SUGCT: variants seen among roughly 807,000 people sequenced by gnomAD.
SUGCT encodes succinyl-CoA:glutarate-CoA transferase, also known as succinyl-CoA:glutarate CoA-transferase.
Under a neutral mutation model 55.0 loss-of-function variants are expected in SUGCT, and 41 were observed. The observed-to-expected ratio is 0.74, with a 90% CI of 0.58 to 0.97. SUGCT has a LOEUF of 0.97. Ranked by LOEUF, SUGCT falls within the 50% of genes least tolerant of loss-of-function variation. SUGCT has a pLI of 0.00. For synonymous variants in SUGCT, 187 were observed against 200.4 expected (o/e 0.93, Z 0.56); for missense variants, 568 against 547.8 (o/e 1.04, Z -0.37).
chr7:40,783,172 C>T (rs1789844088), intron 13 of SUGCT, among the ~76,000 whole-genome samples: 2 of 152,114 alleles, frequency 1.3e-5, no homozygotes, highest in Admixed American at 6.5e-5. Flanking sequence ...TCTGGGTAGT[C>T]ACAACATCCA....
chr7:40,653,906 GAC>G (rs1800895369), intron 12 of SUGCT, among the ~76,000 whole-genome samples: 1 of 151,866 alleles, frequency 6.6e-6, no homozygotes, highest in Non-Finnish European at 1.5e-5. Flanking sequence ...ACTCCTGTGT[GAC>G]ACAGTAGCAA....
chr7:40,189,833 C>T (rs575240907), intron 5 of SUGCT, among the ~76,000 whole-genome samples: 32 of 152,260 alleles, frequency 2.1e-4, no homozygotes, highest in African/African-American at 7.2e-4. Context: ...AACTCTGCAG[C>T]AAATCCTGGG....
chr7:40,583,893 T>C (rs144163260), intron 12 of SUGCT, among the ~76,000 whole-genome samples: 209 of 152,326 alleles, frequency 1.4e-3, no homozygotes, highest in African/African-American at 4.8e-3. Context: ...CGATACATGC[T>C]GAAACACGAG....
At chr7:40,344,238 G>T (rs1324019062) in intron 9 of SUGCT, among the ~76,000 whole-genome samples, 22 of 152,116 alleles carry the variant, frequency 1.4e-4, no homozygotes, top group Non-Finnish European at 3.1e-4. Context: ...TTATTTATTA[G>T]TATGTTTATT....
intron 12 of SUGCT, among the ~76,000 whole-genome samples, chr7:40,662,734 G>A (rs975709155): frequency 2.6e-5 from 4 of 152,090 alleles, no homozygotes; most frequent in Non-Finnish European, 4.4e-5. Flanking sequence ...TTGCATCATA[G>A]CGCTCTATTT....
chr7:40,427,514 T>A (rs1488997816), intron 9 of SUGCT, among the ~76,000 whole-genome samples: 1 of 152,190 alleles, frequency 6.6e-6, no homozygotes, highest in Non-Finnish European at 1.5e-5. Flanking sequence ...TAAATAGTTG[T>A]CTTTATGTTC....
intron 9 of SUGCT, among the ~76,000 whole-genome samples, chr7:40,333,781 C>A (rs1457423249): frequency 8.0e-6 from 1 of 124,670 alleles, no homozygotes; most frequent in African/African-American, 3.1e-5. Flanking sequence ...AATTTAAGTT[C>A]TAGGGTACAT....
intron 13 of SUGCT, among the ~76,000 whole-genome samples, chr7:40,834,817 G>A (rs893661090): frequency 1.1e-4 from 17 of 152,170 alleles, no homozygotes; most frequent in African/African-American, 3.6e-4. Context: ...TGCCATGGCT[G>A]TTTAGACATC....
chr7:40,989,078 G>A, the SUGCT span, among the ~76,000 whole-genome samples: 31 of 151,804 alleles, frequency 2.0e-4, no homozygotes, highest in Admixed American at 1.2e-3. Context: ...AAAAAACAAT[G>A]TACAGACCCT....
intron 9 of SUGCT, among the ~76,000 whole-genome samples, chr7:40,412,708 C>T (rs568091215): frequency 6.6e-6 from 1 of 152,192 alleles, no homozygotes; most frequent in South Asian, 2.1e-4. Flanking sequence ...TTGGTTCTGA[C>T]CTTTACAAGT....
At chr7:40,165,773 G>A (rs1784395189) in intron 1 of SUGCT, among the ~76,000 whole-genome samples, 1 of 152,028 alleles carries the variant, frequency 6.6e-6, no homozygotes, top group African/African-American at 2.4e-5. Flanking sequence ...GTTATTTGCT[G>A]TAATAGATCA....
chr7:40,873,232 C>T, the SUGCT span, among the ~76,000 whole-genome samples: 1 of 152,018 alleles, frequency 6.6e-6, no homozygotes, highest in Admixed American at 6.6e-5. Flanking sequence ...AATGAGCTTC[C>T]CATTGGAAAA....
At chr7:40,877,045 A>G in the SUGCT span, among the ~76,000 whole-genome samples, 1 of 152,156 alleles carries the variant, frequency 6.6e-6, no homozygotes, top group South Asian at 2.1e-4. Context: ...CAAAGTTCAA[A>G]ATCATTTAAA....
At chr7:41,028,971 G>C in the SUGCT span, among the ~76,000 whole-genome samples, 57,612 of 152,006 alleles carry the variant, frequency 0.38, 11,405 homozygotes, top group Non-Finnish European at 0.44. Flanking sequence ...CCCCAGAGAA[G>C]AGCTTTAGGG....
the SUGCT span, among the ~76,000 whole-genome samples, chr7:41,030,927 T>C: frequency 2.6e-5 from 4 of 152,086 alleles, no homozygotes; most frequent in East Asian, 1.9e-4. Flanking sequence ...TAGTGCATCG[T>C]AGATAATGTA....
chr7:40,377,714 A>C (rs928167469), intron 9 of SUGCT, among the ~76,000 whole-genome samples: 2 of 152,172 alleles, frequency 1.3e-5, no homozygotes, highest in Admixed American at 6.5e-5. Context: ...TGTGGATTTT[A>C]GTTACTATAT....
intron 12 of SUGCT, among the ~76,000 whole-genome samples, chr7:40,589,085 TTGG>T (rs1391330448): frequency 1.3e-5 from 2 of 152,104 alleles, no homozygotes; most frequent in Non-Finnish European, 2.9e-5. Context: ...AAACCAGTAA[TTGG>T]TGTCATAGCA....
intron 9 of SUGCT, among the ~76,000 whole-genome samples, chr7:40,349,694 G>A (rs544306512): frequency 6.7e-6 from 1 of 148,304 alleles, no homozygotes; most frequent in Non-Finnish European, 1.5e-5. Context: ...TTTTTTGGAG[G>A]CAGGGTTTCA....
the SUGCT span, among the ~76,000 whole-genome samples, chr7:40,898,485 G>GC: frequency 3.0e-5 from 3 of 99,110 alleles, no homozygotes; most frequent in Admixed American, 1.1e-4. Context: ...GAGGTCGGGG[G>GC]GGGGGGGGGG....
Sources: gnomAD v4.1 joint callset for allele counts (sites outside exome capture counted in the v4.1 genomes callset) on GRCh38, gnomAD v4.1.1 for gene constraint, MANE v1.5 for transcripts, NCBI Gene and HGNC (gene_info 2026-07-23, HGNC 2026-07-21) for gene names.